TMEM163: variants seen among roughly 807,000 people sequenced by gnomAD.
TMEM163 encodes the protein transmembrane protein 163.
TMEM163 carries 17 observed loss-of-function variants against 29.3 expected under a neutral mutation model. The ratio of observed to expected loss-of-function variants is 0.58; its 90% CI spans 0.40 to 0.87. The LOEUF is 0.87. Among genes scored for constraint, TMEM163 ranks in the 40% least tolerant of loss-of-function variants. The probability of loss-of-function intolerance (pLI) is 0.00; values close to 1 mark genes in which losing one functional copy is unlikely to be tolerated. For missense variants in TMEM163, 303 were observed against 381.5 expected (o/e 0.79, Z 1.71); for synonymous variants, 157 against 160.6 (o/e 0.98, Z 0.17).
At chr2:134,597,784 A>G (rs1433918364) in intron 2 of TMEM163, among the ~76,000 whole-genome samples, 1 of 152,140 alleles carries the variant, frequency 6.6e-6, no homozygotes, top group African/African-American at 2.4e-5. Flanking sequence ...TATTGCCTCA[A>G]TTTCAGAGCC....
chr2:134,648,628 G>T (rs1683395821), intron 2 of TMEM163, among the ~76,000 whole-genome samples: 1 of 152,110 alleles, frequency 6.6e-6, no homozygotes, highest in Non-Finnish European at 1.5e-5. Context: ...ACGAAAGATT[G>T]TTGTATTTAC....
intron 4 of TMEM163, among the ~76,000 whole-genome samples, chr2:134,537,796 C>T (rs1680573823): frequency 6.6e-6 from 1 of 152,182 alleles, no homozygotes; most frequent in African/African-American, 2.4e-5. Context: ...GGTAAAGAGG[C>T]CAGTAGAACA....
At chr2:134,506,514 A>G (rs2106488745) in intron 4 of TMEM163, among the ~76,000 whole-genome samples, 1 of 152,260 alleles carries the variant, frequency 6.6e-6, no homozygotes, top group East Asian at 1.9e-4. Context: ...GGTGTTTTAT[A>G]AACACTAGTG....
intron 2 of TMEM163, among the ~76,000 whole-genome samples, chr2:134,670,249 TA>T (rs138676637): frequency 3.4e-5 from 5 of 148,826 alleles, no homozygotes; most frequent in African/African-American, 4.9e-5. Flanking sequence ...ATGGCACCTT[TA>T]AAAAAAAAAG....
chr2:134,588,520 G>T (rs1681868462), intron 2 of TMEM163, among the ~76,000 whole-genome samples: 1 of 152,140 alleles, frequency 6.6e-6, no homozygotes, highest in East Asian at 1.9e-4. Context: ...CTGGGGACAA[G>T]GAGAGGGCAC....
At chr2:134,505,980 C>A (rs1679814867) in intron 4 of TMEM163, among the ~76,000 whole-genome samples, 1 of 152,162 alleles carries the variant, frequency 6.6e-6, no homozygotes, top group Non-Finnish European at 1.5e-5. Context: ...AAGCTCCCCC[C>A]ATGGAGTCTG....
intron 2 of TMEM163, among the ~76,000 whole-genome samples, chr2:134,680,007 G>C (rs1314571600): frequency 1.3e-5 from 2 of 152,186 alleles, no homozygotes; most frequent in African/African-American, 4.8e-5. Context: ...AAAATACCAA[G>C]GAATCCAGGC....
At chr2:134,489,263 A>G (rs537358662) in intron 5 of TMEM163, among the ~76,000 whole-genome samples, 2 of 152,268 alleles carry the variant, frequency 1.3e-5, no homozygotes, top group East Asian at 1.9e-4. Flanking sequence ...AGATCTTAAG[A>G]CTATGTTGAG....
intron 2 of TMEM163, among the ~76,000 whole-genome samples, chr2:134,689,280 G>T (rs899689634): frequency 6.6e-6 from 1 of 151,686 alleles, no homozygotes; most frequent in African/African-American, 2.4e-5. Flanking sequence ...GGCTAAGTTT[G>T]TATTTTTAGT....
chr2:134,511,312 G>A (rs1255729555), intron 4 of TMEM163, among the ~76,000 whole-genome samples: 2 of 152,208 alleles, frequency 1.3e-5, no homozygotes, highest in Admixed American at 6.5e-5. Context: ...CCTGGCAGGA[G>A]AGAACCCAGC....
intron 2 of TMEM163, among the ~76,000 whole-genome samples, chr2:134,569,513 A>AC (rs1226287134): frequency 6.6e-6 from 1 of 152,002 alleles, no homozygotes; most frequent in East Asian, 1.9e-4. Flanking sequence ...ATGAATGAAG[A>AC]CCCCCTAGCC....
At chr2:134,591,753 A>G (rs1681938443) in intron 2 of TMEM163, among the ~76,000 whole-genome samples, 2 of 152,176 alleles carry the variant, frequency 1.3e-5, no homozygotes. Flanking sequence ...ACTGACATTC[A>G]GGGACTCCAA....
intron 4 of TMEM163, among the ~76,000 whole-genome samples, chr2:134,545,606 G>C (rs1328793124): frequency 6.6e-6 from 1 of 151,948 alleles, no homozygotes; most frequent in African/African-American, 2.4e-5. Flanking sequence ...ATGATGACCT[G>C]CTTCATGGCC....
intron 2 of TMEM163, among the ~76,000 whole-genome samples, chr2:134,656,594 TTGAC>T (rs925570083): frequency 1.3e-5 from 2 of 152,222 alleles, no homozygotes; most frequent in African/African-American, 4.8e-5. Context: ...TTTCTTTCTC[TTGAC>T]TGACTGCTCT....
chr2:134,670,134 G>A (rs1683958534), intron 2 of TMEM163, among the ~76,000 whole-genome samples: 1 of 152,108 alleles, frequency 6.6e-6, no homozygotes, highest in Admixed American at 6.5e-5. Flanking sequence ...GGGAACTTTA[G>A]TAGACGTGGC....
chr2:134,701,232 A>G (rs1684696749), intron 2 of TMEM163, among the ~76,000 whole-genome samples: 1 of 152,210 alleles, frequency 6.6e-6, no homozygotes, highest in Non-Finnish European at 1.5e-5. Flanking sequence ...AGAAAATGGA[A>G]AAGGCAACAA....
chr2:134,560,596 A>C (rs1047488969), intron 2 of TMEM163, among the ~76,000 whole-genome samples: 3 of 152,230 alleles, frequency 2.0e-5, no homozygotes, highest in Non-Finnish European at 4.4e-5. Context: ...CTTTAGGGAC[A>C]GCTTGAAGCA....
chr2:134,659,314 C>G (rs1457320160), intron 2 of TMEM163, among the ~76,000 whole-genome samples: 1 of 152,192 alleles, frequency 6.6e-6, no homozygotes, highest in African/African-American at 2.4e-5. Context: ...ATGCAGCACA[C>G]AACTGTACTT....
In TMEM163 at chr2:134,713,319, C is replaced by T; in HGVS notation, c.203G>A (p.Gly68Asp). ...GQFSDGLEDR[G>D]LLESSTRLKP... ...CAGGCGGGTGCTGCTTTCTAGTAAGCCTGACAAAAACAAGGAGAAAGGGAA... is the reference window on the plus strand; with the variant it reads ...CAGGCGGGTGCTGCTTTCTAGTAAGTCTGACAAAAACAAGGAGAAAGGGAA... The change falls in exon 2 of 8, where the codon GGC becomes GAC. Residue 68 changes from glycine (G) to aspartate (D), a missense_variant and splice_region_variant. Physicochemically the swap from Gly to Asp is moderately conservative, Grantham distance 94. Coordinates refer to ENST00000281924, the MANE Select transcript of TMEM163 (RefSeq NM_030923.5). 3 of 1,613,298 alleles carry T rather than the reference C, an allele frequency of 1.9e-6. No homozygotes were observed. Among genetic ancestry groups the T allele is most frequent in the East Asian group, 2.2e-5 (1 of 44,870 alleles).
Sources: allele counts gnomAD v4.1 joint callset (sites outside exome capture counted in the v4.1 genomes callset), GRCh38; gene constraint gnomAD v4.1.1; transcripts MANE v1.5; gene names NCBI Gene and HGNC (gene_info 2026-07-23, HGNC 2026-07-21).